The following EYA1 variants were observed in gnomAD, a reference collection of about 807,000 sequenced individuals.
EYA1 encodes the protein EYA transcriptional coactivator and phosphatase 1, also known as protein phosphatase EYA1.
Under a neutral mutation model 82.0 loss-of-function variants are expected in EYA1, and 16 were observed. The observed-to-expected ratio is 0.20, with a 90% CI of 0.13 to 0.30. The LOEUF (loss-of-function observed/expected upper bound fraction) is 0.30, where lower values mean the gene tolerates loss of function less well. EYA1 is among the 10% of genes least tolerant of loss of function. EYA1 has a pLI of 1.00. For missense variants in EYA1, 633 were observed against 730.7 expected, an observed-to-expected ratio of 0.87 and a Z score of 1.54; for synonymous variants, 261 against 264.4, an observed-to-expected ratio of 0.99 and a Z score of 0.12.
chr8:71,209,863 T>C lies in EYA1; in HGVS notation c.1698+1293A>G, dbSNP rs536079453. Among the ~76,000 whole-genome samples the C allele has an allele frequency of 2.0e-5, 3 of 152,026 alleles. No individual in the cohort carries two copies. The East Asian group carries it at 5.8e-4, about 29-fold the overall frequency. On this transcript the variant is annotated intron_variant, in intron 17 of 17. Transcript: ENST00000340726. ...TACAACTATGACAAGATTTAGGGAG[T>C]TATAAAAAAATCTGAAGACAGTCTC...
chr8:71,255,197 C>T (rs1053598303), intron 11 of EYA1, among the ~76,000 whole-genome samples: 10 of 152,282 alleles, frequency 6.6e-5, no homozygotes, highest in Non-Finnish European at 1.3e-4. Context: ...AGATCTAATG[C>T]AATCCCTATC....
At chr8:71,412,235 G>C (rs1452208790) in intron 2 of EYA1, among the ~76,000 whole-genome samples, 28 of 111,354 alleles carry the variant, frequency 2.5e-4, no homozygotes, top group East Asian at 6.3e-4. Context: ...GTGGTGGGGT[G>C]GGGGGAGGGG....
chr8:71,222,299 T>C (rs1178794902), intron 12 of EYA1, among the ~76,000 whole-genome samples: 5 of 151,232 alleles, frequency 3.3e-5, no homozygotes, highest in Non-Finnish European at 5.9e-5. Flanking sequence ...AGTCACATAG[T>C]ACAGATAGAT....
intron 2 of EYA1, among the ~76,000 whole-genome samples, chr8:71,406,015 C>A (rs1830199131): frequency 6.6e-6 from 1 of 152,114 alleles, no homozygotes; most frequent in Non-Finnish European, 1.5e-5. Context: ...CTGTGGCAAA[C>A]TTTACAGGAG....
intron 3 of EYA1, among the ~76,000 whole-genome samples, chr8:71,342,181 A>G (rs1339688782): frequency 2.0e-5 from 3 of 152,118 alleles, no homozygotes; most frequent in African/African-American, 4.8e-5. Flanking sequence ...CACTTCCACC[A>G]TATCAGCCCC....
At chr8:71,465,158 G>A (rs1458802278) in intron 2 of EYA1, among the ~76,000 whole-genome samples, 5 of 152,076 alleles carry the variant, frequency 3.3e-5, no homozygotes, top group African/African-American at 1.2e-4. Flanking sequence ...AAGGATTGAG[G>A]ACAAATGTTA....
chr8:71,418,148 G>A (rs1563594688), intron 2 of EYA1, among the ~76,000 whole-genome samples: 1 of 152,258 alleles, frequency 6.6e-6, no homozygotes, highest in East Asian at 1.9e-4. Flanking sequence ...GGATAAATGT[G>A]ATCCTCCCAC....
rs1304566029 is a variant in EYA1 at position 71,421,981 on chromosome 8, AAATGATT to A, written c.34-65477_34-65471del. On this transcript the variant is annotated intron_variant, in intron 2 of 18. Coordinates refer to the EYA1 transcript ENST00000643681. ...AAGGTATGTTGGGTAGTAGTTAGAC[AAATGATT>A]ACCTGTAACTATCAATTTTTAAAGA... Among the ~76,000 whole-genome samples the A allele has an allele frequency of 2.6e-5, 4 of 152,212 alleles. No homozygotes were observed. In the East Asian group the frequency reaches 7.7e-4, roughly 29 times the overall value.
intron 2 of EYA1, among the ~76,000 whole-genome samples, chr8:71,434,570 TC>T (rs990962221): frequency 7.2e-5 from 11 of 151,970 alleles, no homozygotes; most frequent in Non-Finnish European, 2.9e-5. Flanking sequence ...AAGATAGAAG[TC>T]TCCCAAGGAA....
chr8:71,527,230 T>C (rs1813885070), intron 2 of EYA1, among the ~76,000 whole-genome samples: 1 of 152,190 alleles, frequency 6.6e-6, no homozygotes, highest in Non-Finnish European at 1.5e-5. Context: ...TGGAACTAGA[T>C]CACCAAACTG....
chr8:71,232,595 T>A (rs918284616), intron 12 of EYA1, among the ~76,000 whole-genome samples: 2 of 152,014 alleles, frequency 1.3e-5, no homozygotes, highest in Non-Finnish European at 2.9e-5. Flanking sequence ...GAGGAGCCCA[T>A]GAATAAGGAT....
At chr8:71,433,232 A>G (rs1418829386) in intron 2 of EYA1, among the ~76,000 whole-genome samples, 1 of 152,210 alleles carries the variant, frequency 6.6e-6, no homozygotes, top group Non-Finnish European at 1.5e-5. Context: ...TCTCTAGAAA[A>G]TAACAGTGTT....
chr8:71,387,647 G>A (rs2129106513), intron 2 of EYA1, among the ~76,000 whole-genome samples: 1 of 152,228 alleles, frequency 6.6e-6, no homozygotes, highest in Non-Finnish European at 1.5e-5. Context: ...TCACAGTGTG[G>A]ACAGTGGTAG....
At chr8:71,337,265 A>G (rs897446997) in intron 3 of EYA1, among the ~76,000 whole-genome samples, 3 of 152,160 alleles carry the variant, frequency 2.0e-5, no homozygotes, top group Non-Finnish European at 4.4e-5. Context: ...GTTTATCTCC[A>G]CCATACTCTT....
intron 2 of EYA1, among the ~76,000 whole-genome samples, chr8:71,495,443 A>G (rs576022501): frequency 2.6e-5 from 4 of 152,100 alleles, no homozygotes; most frequent in Non-Finnish European, 5.9e-5. Flanking sequence ...GTGAAACCCC[A>G]TCTCTACTAA....
intron 1 of EYA1, among the ~76,000 whole-genome samples, chr8:71,538,165 C>T (rs934429282): frequency 6.6e-6 from 1 of 152,178 alleles, no homozygotes; most frequent in Non-Finnish European, 1.5e-5. Flanking sequence ...AGGAGCCTGG[C>T]TCTGGTAAAC....
chr8:71,391,947 G>T (rs1407560268), intron 2 of EYA1, among the ~76,000 whole-genome samples: 5 of 152,156 alleles, frequency 3.3e-5, no homozygotes, highest in Non-Finnish European at 5.9e-5. Flanking sequence ...ATCTTTAAGG[G>T]GTCCTTTGCA....
chr8:71,469,984 C>G (rs973671287), intron 2 of EYA1, among the ~76,000 whole-genome samples: 5 of 152,044 alleles, frequency 3.3e-5, no homozygotes, highest in African/African-American at 1.2e-4. Flanking sequence ...TTCACCAAGG[C>G]CTTTGATTCT....
At chr8:71,407,404 T>A (rs1420451436) in intron 2 of EYA1, among the ~76,000 whole-genome samples, 1 of 146,090 alleles carries the variant, frequency 6.8e-6, no homozygotes, top group East Asian at 2.0e-4. Flanking sequence ...GAGAAGAAGG[T>A]TTCAGACGAT....
Sources: allele counts gnomAD v4.1 joint callset (sites outside exome capture counted in the v4.1 genomes callset), GRCh38; gene constraint gnomAD v4.1.1; transcripts MANE v1.5; gene names NCBI Gene and HGNC (gene_info 2026-07-23, HGNC 2026-07-21).